Variants in NALF1 observed in about 807,000 individuals in gnomAD.
NALF1 encodes the protein family with sequence similarity 155 member A.
A neutral mutation model predicts 48.4 loss-of-function variants in NALF1; 3 were observed. That is an observed-to-expected ratio of 0.06 (90% CI 0.03 to 0.16). The LOEUF (loss-of-function observed/expected upper bound fraction) is 0.16. NALF1 is among the 10% of genes least tolerant of loss of function. The pLI, the probability that NALF1 is intolerant of heterozygous loss-of-function variation, is 1.00. For synonymous variants in NALF1, 262 were observed against 245.7 expected, an observed-to-expected ratio of 1.07 and a Z score of -0.62; for missense variants, 526 against 571.5, an observed-to-expected ratio of 0.92 and a Z score of 0.81.
At chr13:107,777,218 T>C (rs933323009) in intron 1 of NALF1, among the ~76,000 whole-genome samples, 5 of 152,212 alleles carry the variant, frequency 3.3e-5, no homozygotes, top group African/African-American at 9.6e-5. Context: ...GATTTTATTA[T>C]TGTACCTATT....
chr13:107,611,434 T>A (rs554438884), intron 1 of NALF1, among the ~76,000 whole-genome samples: 87 of 152,224 alleles, frequency 5.7e-4, no homozygotes, highest in African/African-American at 2.0e-3. Context: ...ACAACTAGAG[T>A]GTCCATTGAT....
chr13:107,306,810 A>G (rs1881945467), intron 1 of NALF1, among the ~76,000 whole-genome samples: 1 of 152,086 alleles, frequency 6.6e-6, no homozygotes, highest in Admixed American at 6.6e-5. Context: ...CAAAAAATAA[A>G]CAAAATTAGC....
intron 1 of NALF1, among the ~76,000 whole-genome samples, chr13:107,500,271 G>A (rs933115778): frequency 6.6e-6 from 1 of 152,068 alleles, no homozygotes; most frequent in African/African-American, 2.4e-5. Flanking sequence ...AACAAATAAA[G>A]AATAGAAATT....
intron 1 of NALF1, among the ~76,000 whole-genome samples, chr13:107,452,859 A>G (rs1036412118): frequency 6.6e-6 from 1 of 152,242 alleles, no homozygotes; most frequent in Non-Finnish European, 1.5e-5. Flanking sequence ...AAATACACCC[A>G]TTCCAAATGA....
intron 1 of NALF1, among the ~76,000 whole-genome samples, chr13:107,855,928 G>C (rs1880431150): frequency 6.7e-6 from 1 of 149,858 alleles, no homozygotes; most frequent in Admixed American, 6.6e-5. Flanking sequence ...TTTTTTTTCA[G>C]ACAGGTTGTT....
intron 1 of NALF1, among the ~76,000 whole-genome samples, chr13:107,774,881 T>C (rs369007197): frequency 1.3e-5 from 2 of 152,272 alleles, no homozygotes; most frequent in South Asian, 2.1e-4. Flanking sequence ...GGGCTCTTTC[T>C]TCCCTGATAT....
intron 1 of NALF1, among the ~76,000 whole-genome samples, chr13:107,580,062 G>A (rs1337893760): frequency 6.6e-6 from 1 of 151,936 alleles, no homozygotes; most frequent in Admixed American, 6.6e-5. Context: ...GTCCAATAAT[G>A]ATAGACTGGA....
intron 1 of NALF1, among the ~76,000 whole-genome samples, chr13:107,573,491 C>T (rs1336743056): frequency 6.6e-6 from 1 of 152,122 alleles, no homozygotes; most frequent in Admixed American, 6.5e-5. Context: ...AAAGACTGCA[C>T]TTCTGCCTCA....
At chr13:107,504,250 C>CAAAA (rs769667553) in intron 1 of NALF1, among the ~76,000 whole-genome samples, 1 of 71,688 alleles carries the variant, frequency 1.4e-5, no homozygotes, top group Non-Finnish European at 3.0e-5. Flanking sequence ...GGCCCTATCT[C>CAAAA]AAAAAAAAAA....
In NALF1 at chr13:107,752,398, T is replaced by C. The variant is rs192226533; in HGVS notation, c.915+113284A>G. Among the ~76,000 whole-genome samples, 301 of 152,274 alleles carry C rather than the reference T, an allele frequency of 2.0e-3. 2 individuals are homozygous for C. Among genetic ancestry groups the C allele is most frequent in the Non-Finnish European group, 3.4e-3 (228 of 67,984 alleles). On this transcript the variant is annotated intron_variant, in intron 1 of 2. Coordinates refer to ENST00000375915, the MANE Select transcript of NALF1 (RefSeq NM_001080396.3). ...ACAAGGTATACAAGAAAATTTGTTA[T>C]ACATATATTGTATAATAAATATCAT...
intron 1 of NALF1, among the ~76,000 whole-genome samples, chr13:107,406,814 A>G (rs1883908087): frequency 6.6e-6 from 1 of 152,132 alleles, no homozygotes; most frequent in African/African-American, 2.4e-5. Context: ...AAACAAAGCT[A>G]TCATAAGCAA....
chr13:107,289,177 C>T (rs1187295938), intron 1 of NALF1, among the ~76,000 whole-genome samples: 2 of 152,164 alleles, frequency 1.3e-5, no homozygotes, highest in Non-Finnish European at 2.9e-5. Flanking sequence ...AAGGTCTTTG[C>T]TCCAGCGTCC....
At chr13:107,654,367 C>A (rs761371987) in intron 1 of NALF1, among the ~76,000 whole-genome samples, 1 of 152,024 alleles carries the variant, frequency 6.6e-6, no homozygotes, top group Admixed American at 6.6e-5. Flanking sequence ...GCGAAAACTG[C>A]GATAACTTTT....
chr13:107,307,075 T>G (rs1253482513), intron 1 of NALF1, among the ~76,000 whole-genome samples: 1 of 152,242 alleles, frequency 6.6e-6, no homozygotes, highest in African/African-American at 2.4e-5. Context: ...GTTTTCATAT[T>G]TATAAGTCCA....
intron 1 of NALF1, among the ~76,000 whole-genome samples, chr13:107,764,472 G>C (rs562800896): frequency 1.2e-4 from 19 of 152,226 alleles, no homozygotes; most frequent in South Asian, 4.1e-4. Context: ...GACAGAGAGA[G>C]AGAAAGGAAG....
intron 1 of NALF1, among the ~76,000 whole-genome samples, chr13:107,851,557 G>C (rs143182902): frequency 5.9e-4 from 89 of 151,706 alleles, no homozygotes; most frequent in African/African-American, 2.1e-3. Context: ...TTACTATTTT[G>C]TAATTATCTG....
chr13:107,229,268 T>A (rs557164233), intron 1 of NALF1, among the ~76,000 whole-genome samples: 1 of 152,202 alleles, frequency 6.6e-6, no homozygotes, highest in South Asian at 2.1e-4. Flanking sequence ...GAGAAATACA[T>A]GTTCATCTAC....
intron 1 of NALF1, among the ~76,000 whole-genome samples, chr13:107,500,113 C>T (rs889883454): frequency 2.1e-4 from 32 of 152,100 alleles, no homozygotes; most frequent in Admixed American, 3.3e-4. Context: ...GAAGGCTTGA[C>T]AATTTTACAT....
intron 1 of NALF1, among the ~76,000 whole-genome samples, chr13:107,268,117 A>T (rs1392949190): frequency 6.6e-6 from 1 of 150,896 alleles, no homozygotes; most frequent in African/African-American, 2.4e-5. Flanking sequence ...CTCCCAAGTA[A>T]CTGGGAACAC....
Sources: allele counts gnomAD v4.1 joint callset (sites outside exome capture counted in the v4.1 genomes callset), GRCh38; gene constraint gnomAD v4.1.1; transcripts MANE v1.5; gene names NCBI Gene and HGNC (gene_info 2026-07-23, HGNC 2026-07-21).